Variants in GPC3 observed in about 807,000 individuals in gnomAD.
GPC3 encodes the protein glypican 3.
Under a neutral mutation model 34.4 loss-of-function variants are expected in GPC3, and 3 were observed. The ratio of observed to expected loss-of-function variants is 0.09; its 90% confidence interval spans 0.04 to 0.23. GPC3 has a LOEUF of 0.23. Ranked by LOEUF, GPC3 falls within the 10% of genes least tolerant of loss-of-function variation. GPC3 has a pLI of 1.00. For missense variants in GPC3, 351 were observed against 445.6 expected (o/e 0.79, Z 1.91); for synonymous variants, 177 against 174.0 (o/e 1.02, Z -0.13).
chrX:133,668,807 G>A (rs952055399), intron 5 of GPC3, among the ~76,000 whole-genome samples: 1 of 111,756 alleles, frequency 8.9e-6, no homozygotes, highest in African/African-American at 3.2e-5. Flanking sequence ...ATCTCCAGCT[G>A]TGTGGGTTCC....
chrX:133,535,804 A>G lies in GPC3; in HGVS notation c.*320T>C, dbSNP rs149350912. The G allele has an allele frequency of 5.6e-4, 156 of 278,926 alleles. No individual in the cohort carries two copies. The highest frequency in any genetic ancestry group is 4.0e-3 in the African/African-American group (148 of 36,933). 23.0% of individuals were successfully genotyped at this position (278,926 alleles called of 1,213,427 possible). On this transcript the variant is annotated 3_prime_UTR_variant, in exon 8 of 8. Transcript: ENST00000370818. ...ATCCATGCAAAGAGAGAACGATAGA[A>G]AGGGAGGGAGTGAGAGAGAAAGACA... is the stretch of plus-strand genomic sequence containing the variant.
At chrX:133,739,000 G>A (rs2071537851) in intron 3 of GPC3, among the ~76,000 whole-genome samples, 1 of 111,976 alleles carries the variant, frequency 8.9e-6, no homozygotes, top group Non-Finnish European at 1.9e-5. Flanking sequence ...GTAGGAAAGG[G>A]TGGAGTTGTT....
chrX:133,586,727 C>T (rs1397509173), intron 7 of GPC3, among the ~76,000 whole-genome samples: 1 of 112,228 alleles, frequency 8.9e-6, no homozygotes, highest in African/African-American at 3.2e-5. Flanking sequence ...CTTCAAACCA[C>T]CCTGGGCTAA....
intron 6 of GPC3, among the ~76,000 whole-genome samples, chrX:133,648,345 A>C (rs1173890117): frequency 3.7e-5 from 4 of 109,542 alleles, no homozygotes; most frequent in African/African-American, 1.0e-4. Flanking sequence ...GCCCAAGACA[A>C]TTCTTCCTCT....
chrX:133,709,323 T>C (rs2071246134), intron 3 of GPC3, among the ~76,000 whole-genome samples: 1 of 111,586 alleles, frequency 9.0e-6, no homozygotes, highest in Non-Finnish European at 1.9e-5. Flanking sequence ...TCTGATCTAG[T>C]TGTCTACTTT....
chrX:133,750,327 AG>A (rs1430581092), intron 3 of GPC3, among the ~76,000 whole-genome samples: 3 of 107,723 alleles, frequency 2.8e-5, no homozygotes, highest in African/African-American at 1.1e-4. Flanking sequence ...GAGCTCTTAG[AG>A]TAAAAGTCTA....
At chrX:133,609,655 G>A (rs114521033) in intron 6 of GPC3, among the ~76,000 whole-genome samples, 5,462 of 111,880 alleles carry the variant, frequency 0.049, 352 homozygotes, top group African/African-American at 0.17. Flanking sequence ...TGATATTGGT[G>A]AAGATTCTCT....
intron 3 of GPC3, among the ~76,000 whole-genome samples, chrX:133,721,628 C>T (rs1012668289): frequency 3.6e-5 from 4 of 110,847 alleles, no homozygotes; most frequent in African/African-American, 1.3e-4. Flanking sequence ...TTCTCTGAGG[C>T]CAGTATTACC....
At chrX:133,898,917 T>C (rs2076132083) in intron 2 of GPC3, among the ~76,000 whole-genome samples, 1 of 112,037 alleles carries the variant, frequency 8.9e-6, no homozygotes, top group African/African-American at 3.2e-5. Context: ...CCTAGGAAGC[T>C]GGCCATCCCT....
At chrX:133,831,685 G>A (rs1413652752) in intron 2 of GPC3, among the ~76,000 whole-genome samples, 4 of 111,506 alleles carry the variant, frequency 3.6e-5, no homozygotes, top group Non-Finnish European at 5.6e-5. Flanking sequence ...AGCTGAGATC[G>A]TGCCATTGCA....
chrX:133,567,585 C>T (rs2069593303), intron 7 of GPC3, among the ~76,000 whole-genome samples: 1 of 111,885 alleles, frequency 8.9e-6, no homozygotes, highest in Non-Finnish European at 1.9e-5. Flanking sequence ...TGCCTTAGCT[C>T]CTGAAAATGT....
At chrX:133,537,663 C>G (rs2069306595) in intron 7 of GPC3, among the ~76,000 whole-genome samples, 1 of 111,707 alleles carries the variant, frequency 9.0e-6, no homozygotes, top group South Asian at 3.8e-4. Context: ...ATGAGAGAAA[C>G]AATTTTACGG....
At chrX:133,679,812 G>T (rs2070922201) in intron 5 of GPC3, among the ~76,000 whole-genome samples, 1 of 110,271 alleles carries the variant, frequency 9.1e-6, no homozygotes, top group African/African-American at 3.3e-5. Flanking sequence ...ATGCCACCAC[G>T]CCCGGCTAAT....
intron 2 of GPC3, among the ~76,000 whole-genome samples, chrX:133,781,535 T>C (rs1203887120): frequency 8.9e-6 from 1 of 112,301 alleles, no homozygotes; most frequent in Admixed American, 9.4e-5. Context: ...ACTATCTTCA[T>C]GGATTGACTT....
At chrX:133,601,734 G>C (rs1603185968) in intron 6 of GPC3, among the ~76,000 whole-genome samples, 1 of 111,749 alleles carries the variant, frequency 8.9e-6, no homozygotes, top group African/African-American at 3.2e-5. Flanking sequence ...TACACACTGT[G>C]GGAGTGATTC....
chrX:133,925,564 C>T (rs769007627), intron 2 of GPC3, among the ~76,000 whole-genome samples: 3 of 111,754 alleles, frequency 2.7e-5, no homozygotes, highest in Non-Finnish European at 5.6e-5. Context: ...CTGGAAGAAC[C>T]GTTAACTAAT....
chrX:133,707,758 G>A (rs1384233888), intron 3 of GPC3, among the ~76,000 whole-genome samples: 1 of 110,266 alleles, frequency 9.1e-6, no homozygotes, highest in Non-Finnish European at 1.9e-5. Context: ...TTTTTAATGG[G>A]GGGGCAGAGT....
chrX:133,684,320 C>T (rs1263862842), intron 5 of GPC3, among the ~76,000 whole-genome samples: 2 of 111,686 alleles, frequency 1.8e-5, no homozygotes, highest in Non-Finnish European at 3.8e-5. Flanking sequence ...CCTATTTGTC[C>T]CTCTGTCCCT....
intron 2 of GPC3, among the ~76,000 whole-genome samples, chrX:133,803,149 AC>A (rs2124520867): frequency 9.1e-6 from 1 of 110,054 alleles, no homozygotes; most frequent in East Asian, 2.8e-4. Context: ...GTGGTCTTGA[AC>A]TCCTGACCTC....
Sources: gnomAD v4.1 joint callset for allele counts (sites outside exome capture counted in the v4.1 genomes callset) on GRCh38, gnomAD v4.1.1 for gene constraint, MANE v1.5 for transcripts, NCBI Gene and HGNC (gene_info 2026-07-23, HGNC 2026-07-21) for gene names.